MTCL2: variants seen among roughly 807,000 people sequenced by gnomAD.
The protein encoded by MTCL2 is microtubule crosslinking factor 2.
chr20:36,792,368 G>A, the MTCL2 span, among the ~76,000 whole-genome samples: 1 of 152,124 alleles, frequency 6.6e-6, no homozygotes, highest in African/African-American at 2.4e-5. Flanking sequence ...AATTAGCCGG[G>A]CATGGTGGCA....
At chr20:36,860,600 A>G in the MTCL2 span, among the ~76,000 whole-genome samples, 1 of 152,158 alleles carries the variant, frequency 6.6e-6, no homozygotes, top group Non-Finnish European at 1.5e-5. Context: ...GCACATGGAA[A>G]CATGTCCCGT....
the MTCL2 span, among the ~76,000 whole-genome samples, chr20:36,809,581 T>C: frequency 6.7e-6 from 1 of 148,188 alleles, no homozygotes; most frequent in Admixed American, 6.7e-5. Context: ...TTTCATTCTT[T>C]TTTTTTTTTT....
the MTCL2 span, chr20:36,815,143 G>C: frequency 6.3e-7 from 1 of 1,596,440 alleles, no homozygotes; most frequent in Non-Finnish European, 8.5e-7. The surrounding 1 kb of genome is among the most constrained non-coding windows in gnomAD (Gnocchi z 5.3). Context: ...TCTGAGCCAA[G>C]GTCTTTTGCC....
the MTCL2 span, among the ~76,000 whole-genome samples, chr20:36,858,156 C>T: frequency 6.6e-6 from 1 of 152,070 alleles, no homozygotes; most frequent in Non-Finnish European, 1.5e-5. Context: ...GTTAGACAAA[C>T]CTGGGTTGGA....
At chr20:36,849,894 C>T in the MTCL2 span, among the ~76,000 whole-genome samples, 1 of 152,102 alleles carries the variant, frequency 6.6e-6, no homozygotes, top group Non-Finnish European at 1.5e-5. Flanking sequence ...TCTGCAGAAA[C>T]ACAAGTGGCA....
chr20:36,807,865 C>CTTTTTT, the MTCL2 span, among the ~76,000 whole-genome samples: 5 of 53,540 alleles, frequency 9.3e-5, no homozygotes, highest in African/African-American at 2.1e-4. Flanking sequence ...GAAACCCTGT[C>CTTTTTT]TTTTTTTTTT....
At chr20:36,792,090 C>T in the MTCL2 span, among the ~76,000 whole-genome samples, 5 of 152,260 alleles carry the variant, frequency 3.3e-5, no homozygotes, top group East Asian at 7.7e-4. Flanking sequence ...GTGGTATGCC[C>T]GCTAATGTTT....
the MTCL2 span, chr20:36,779,528 G>A: frequency 2.0e-5 from 3 of 152,448 alleles, no homozygotes; most frequent in Admixed American, 2.0e-4. Context: ...TGTGGCTTAA[G>A]GGTGGCACCG....
At chr20:36,837,590 ATTT>A in the MTCL2 span, among the ~76,000 whole-genome samples, 2 of 117,888 alleles carry the variant, frequency 1.7e-5, no homozygotes, top group African/African-American at 6.9e-5. Flanking sequence ...TATTATTATT[ATTT>A]TTGAGACGGA....
the MTCL2 span, among the ~76,000 whole-genome samples, chr20:36,853,420 T>C: frequency 1.3e-5 from 2 of 152,300 alleles, no homozygotes; most frequent in South Asian, 4.1e-4. Flanking sequence ...TCCTATAAGC[T>C]GGACTAGACA....
At chr20:36,790,565 G>A in the MTCL2 span, among the ~76,000 whole-genome samples, 1 of 151,212 alleles carries the variant, frequency 6.6e-6, no homozygotes, top group African/African-American at 2.4e-5. Flanking sequence ...CTCCCGAGTA[G>A]CTGGGACTAT....
the MTCL2 span, chr20:36,862,775 G>A: frequency 7.0e-7 from 1 of 1,437,942 alleles, no homozygotes; most frequent in Non-Finnish European, 9.1e-7. Flanking sequence ...TGAGCGGCAA[G>A]CGGCTGCTGC....
the MTCL2 span, among the ~76,000 whole-genome samples, chr20:36,840,702 T>C: frequency 0.03 from 4,474 of 151,524 alleles, 86 homozygotes; most frequent in African/African-American, 0.064. Flanking sequence ...AAAAATTAGC[T>C]GGGCATGGTG....
the MTCL2 span, among the ~76,000 whole-genome samples, chr20:36,807,977 G>A: frequency 2.2e-5 from 3 of 138,600 alleles, no homozygotes; most frequent in East Asian, 2.3e-4. Flanking sequence ...CTGGGTTCAC[G>A]CCATTCTCCC....
the MTCL2 span, among the ~76,000 whole-genome samples, chr20:36,806,652 T>C: frequency 6.6e-6 from 1 of 152,114 alleles, no homozygotes; most frequent in Admixed American, 6.5e-5. Context: ...CCTGAGTAGC[T>C]GGGACTACCA....
chr20:36,816,238 G>A, the MTCL2 span: 3 of 1,612,468 alleles, frequency 1.9e-6, no homozygotes, highest in Non-Finnish European at 1.7e-6. Flanking sequence ...AGCTTAGTGA[G>A]CTTCTTGCAC....
At chr20:36,803,609 G>C in the MTCL2 span, among the ~76,000 whole-genome samples, 2 of 152,052 alleles carry the variant, frequency 1.3e-5, no homozygotes, top group African/African-American at 2.4e-5. Context: ...AGGGTTAGGA[G>C]GGGAGAGTAG....
At chr20:36,805,025 A>C in the MTCL2 span, 1 of 1,045,296 alleles carries the variant, frequency 9.6e-7, no homozygotes, top group Non-Finnish European at 1.4e-6. Context: ...AAGTCCCACA[A>C]CCTCCCTAGG....
chr20:36,822,933 A>AT, the MTCL2 span, among the ~76,000 whole-genome samples: 20 of 151,836 alleles, frequency 1.3e-4, no homozygotes, highest in African/African-American at 4.1e-4. Context: ...AATTTTTTGT[A>AT]TTTTTTGTAG....
Sources: allele counts gnomAD v4.1 joint callset (sites outside exome capture counted in the v4.1 genomes callset), GRCh38; gene constraint gnomAD v4.1.1; non-coding constraint Gnocchi (gnomAD v3.1); transcripts MANE v1.5; gene names NCBI Gene and HGNC (gene_info 2026-07-23, HGNC 2026-07-21).